ASCC3: variants seen among roughly 807,000 people sequenced by gnomAD.
The protein encoded by ASCC3 is activating signal cointegrator 1 complex subunit 3, also known as ASC-1 complex subunit P200.
A neutral mutation model predicts 256.3 loss-of-function variants in ASCC3; 158 were observed. The ratio of observed to expected loss-of-function variants is 0.62; its 90% confidence interval spans 0.54 to 0.70. The LOEUF (loss-of-function observed/expected upper bound fraction) is 0.70. Among genes scored for constraint, ASCC3 ranks in the 30% least tolerant of loss-of-function variants. ASCC3 has a pLI of 0.00. For synonymous variants in ASCC3, 948 were observed against 883.4 expected (o/e 1.07, Z -1.30); for missense variants, 2,259 against 2,626.0 (o/e 0.86, Z 3.05).
At chr6:100,518,311 G>C (rs1215655122) in intron 37 of ASCC3, among the ~76,000 whole-genome samples, 169 bp from the exon 38 acceptor site, 1 of 152,072 alleles carries the variant, frequency 6.6e-6, no homozygotes, top group Non-Finnish European at 1.5e-5. Context: ...GGATTGCAGG[G>C]AACAAATCTG....
chr6:100,799,945 TAAC>T (rs1011150348), intron 6 of ASCC3, among the ~76,000 whole-genome samples: 5 of 152,188 alleles, frequency 3.3e-5, no homozygotes, highest in South Asian at 2.1e-4. Flanking sequence ...TACTTCTAAA[TAAC>T]AACAATTTTT....
chr6:100,812,402 C>G (rs772405811), intron 4 of ASCC3, among the ~76,000 whole-genome samples: 13 of 150,872 alleles, frequency 8.6e-5, no homozygotes, highest in Non-Finnish European at 1.6e-4. Flanking sequence ...TAAATATGTT[C>G]AAAGAACTAA....
intron 36 of ASCC3, among the ~76,000 whole-genome samples, chr6:100,548,536 G>T (rs1769112228): frequency 6.6e-6 from 1 of 151,850 alleles, no homozygotes; most frequent in Non-Finnish European, 1.5e-5. Flanking sequence ...GCCATTGTAG[G>T]CTCTTGGCAC....
chr6:100,582,161 A>G (rs979765744), intron 36 of ASCC3, among the ~76,000 whole-genome samples: 6 of 152,100 alleles, frequency 3.9e-5, no homozygotes, highest in African/African-American at 7.2e-5. Flanking sequence ...CATTGAATCT[A>G]TAAATTACCT....
At chr6:100,743,407 T>G (rs1780525294) in intron 10 of ASCC3, among the ~76,000 whole-genome samples, 1 of 152,168 alleles carries the variant, frequency 6.6e-6, no homozygotes, top group Non-Finnish European at 1.5e-5. Flanking sequence ...AAGCTGATTC[T>G]TGACTCATAG....
chr6:100,729,584 C>T (rs1209353229), intron 10 of ASCC3, among the ~76,000 whole-genome samples: 3 of 152,046 alleles, frequency 2.0e-5, no homozygotes, highest in Non-Finnish European at 4.4e-5. Flanking sequence ...GTATGTGATG[C>T]ATAAAAGTAG....
intron 3 of ASCC3, chr6:100,857,110 T>C (rs1448061395): frequency 6.6e-6 from 1 of 152,128 alleles, no homozygotes; most frequent in Non-Finnish European, 1.5e-5. Flanking sequence ...GTCAGTCTTT[T>C]ACATTTTAAC....
chr6:100,656,039 C>T (rs1328408984), intron 16 of ASCC3, among the ~76,000 whole-genome samples: 1 of 151,684 alleles, frequency 6.6e-6, no homozygotes, highest in African/African-American at 2.4e-5. Flanking sequence ...TCTTTCAGAA[C>T]TGAACTTACT....
intron 4 of ASCC3, among the ~76,000 whole-genome samples, chr6:100,833,391 T>G (rs189136661): frequency 1.5e-4 from 23 of 152,324 alleles, no homozygotes; most frequent in Non-Finnish European, 5.9e-5. Context: ...CATACCAGTA[T>G]ACATTTGTCA....
chr6:100,767,026 A>T, intron 9 of ASCC3, 119 bp downstream of exon 9: 1 of 1,041,730 alleles, frequency 9.6e-7, no homozygotes, highest in Non-Finnish European at 1.4e-6. Flanking sequence ...AAACAGTATT[A>T]CTTATCTGAC....
At chr6:100,818,222 A>G (rs576327428) in intron 4 of ASCC3, among the ~76,000 whole-genome samples, 2 of 152,282 alleles carry the variant, frequency 1.3e-5, no homozygotes, top group African/African-American at 4.8e-5. Context: ...AAAACATTCA[A>G]CAAAGTAGCT....
At position 100,679,747 on chromosome 6, in the gene ASCC3, C is replaced by G; in HGVS notation, c.2157G>C (p.Met719Ile). ...LKQVKAGHQV[M>I]VFVHARNATV... The stretch of plus-strand genomic sequence containing the variant: ...TGGCATTTCGAGCATGTACAAACAC[C>G]ATCACCTGAAAAAAAGGAAAGCAGT... Residue 719 changes from methionine to isoleucine, a missense_variant, in exon 14 of 42, where the codon ATG (methionine) becomes ATC (isoleucine). Physicochemically the swap from Met to Ile is conservative, Grantham distance 10. Transcript: ENST00000369162. The G allele has an allele frequency of 6.2e-7, 1 of 1,613,208 alleles. No homozygotes were observed.
chr6:100,693,372 G>T (rs1303911057), intron 13 of ASCC3, among the ~76,000 whole-genome samples: 1 of 151,868 alleles, frequency 6.6e-6, no homozygotes, highest in African/African-American at 2.4e-5. Flanking sequence ...AGGGTGGAAA[G>T]GCTGTGGGAA....
chr6:100,735,860 C>T (rs1266431144), intron 10 of ASCC3, among the ~76,000 whole-genome samples: 1 of 152,100 alleles, frequency 6.6e-6, no homozygotes, highest in Non-Finnish European at 1.5e-5. Context: ...ACCCTTCAGC[C>T]CCTGAGCTTA....
At chr6:100,707,925 A>G (rs138777924) in intron 13 of ASCC3, among the ~76,000 whole-genome samples, 2 of 152,228 alleles carry the variant, frequency 1.3e-5, no homozygotes, top group East Asian at 1.9e-4. Flanking sequence ...TTCCTTTCAT[A>G]TGACAGCCTT....
chr6:100,697,814 T>A (rs754986825), intron 13 of ASCC3, among the ~76,000 whole-genome samples: 2 of 152,136 alleles, frequency 1.3e-5, no homozygotes, highest in African/African-American at 4.8e-5. Flanking sequence ...AATTTTTCCA[T>A]GAAAATTTAA....
chr6:100,655,758 GA>G lies in ASCC3; in HGVS notation c.2763del (p.Leu922PhefsTer5), dbSNP rs1462303140. 6 of 1,611,596 alleles carry G rather than the reference GA, an allele frequency of 3.7e-6. No homozygotes were observed. In the African/African-American group the frequency reaches 8.0e-5, roughly 22 times the overall value. On this transcript the variant is annotated frameshift_variant, in exon 17 of 42. Coordinates refer to ENST00000369162, the MANE Select transcript of ASCC3 (RefSeq NM_006828.4). LOFTEE classifies it high-confidence loss of function. ...EEAVKWISYT[Y>X]LYVRMRANPL... is the part of the protein sequence containing the mutation. ...GGATTTGCTCTCATCCGTACATAAA[GA>G]TAAGTGTAACTTATCCACTTCACTG... is the stretch of plus-strand genomic sequence containing the variant.
At chr6:100,621,092 T>C (rs780521760) in intron 30 of ASCC3, among the ~76,000 whole-genome samples, 45 of 152,096 alleles carry the variant, frequency 3.0e-4, no homozygotes, top group Non-Finnish European at 5.6e-4. Flanking sequence ...CAAATGCCCA[T>C]CAGTGATAGA....
rs369013918 is a variant in ASCC3, at chr6:100,589,820, T to A, written c.5416-52A>T. On this transcript the variant is annotated intron_variant, in intron 35 of 41. Transcript: ENST00000369162. ...AGTACGATGAAAGTACATATCTTTA[T>A]AAAATTAATAATTCAGACAGGTGCT... The A allele has an allele frequency of 2.6e-4, 419 of 1,608,632 alleles. No individual in the cohort carries two copies. In the African/African-American group the frequency reaches 4.9e-3, roughly 19 times the overall value.
Sources: allele counts gnomAD v4.1 joint callset (sites outside exome capture counted in the v4.1 genomes callset), GRCh38; gene constraint gnomAD v4.1.1; transcripts MANE v1.5; gene names NCBI Gene and HGNC (gene_info 2026-07-23, HGNC 2026-07-21).